The following SLX9 variants were observed in gnomAD, a reference collection of about 807,000 sequenced individuals.
SLX9 encodes SLX9 ribosome biogenesis factor.
SLX9 carries 19 observed loss-of-function variants against 20.8 expected under a neutral mutation model. The observed-to-expected ratio is 0.91, with a 90% CI of 0.64 to 1.34. The LOEUF (loss-of-function observed/expected upper bound fraction) is 1.34, where lower values mean the gene tolerates loss of function less well. Among genes scored for constraint, SLX9 ranks in the 40% most tolerant of loss-of-function variants. SLX9 has a pLI of 0.00. For missense variants in SLX9, 299 were observed against 322.2 expected (o/e 0.93, Z 0.55); for synonymous variants, 113 against 137.1 (o/e 0.82, Z 1.23).
rs148104448 is a variant in SLX9 at position 44,943,541 on chromosome 21, G to T, written c.130-143G>T. 1.3e-4 allele frequency: 153 copies of T among 1,163,936 alleles called. No homozygotes were observed. The East Asian group carries it at 3.8e-3, about 29-fold the overall frequency. The allele number at this position is 1,163,936 out of a possible 1,614,324, so 72.1% of individuals were successfully genotyped here. A position where few individuals can be genotyped will look rare whatever the true frequency, so the allele number is the denominator to read the frequency against. On this transcript the variant is annotated intron_variant, in intron 1 of 5. Transcript: ENST00000291634. ...GCTTCTGCTCTGGGAGGTGAGGGTT[G>T]TTTCCCCCAGGTCCTCCCGGGCAGA...
intron 4 of SLX9, among the ~76,000 whole-genome samples, chr21:44,972,460 G>A (rs545061393): frequency 4.6e-5 from 7 of 152,304 alleles, no homozygotes; most frequent in Admixed American, 4.6e-4. Flanking sequence ...CCAGCTTGGT[G>A]GTTTGGAGAT....
intron 1 of SLX9, among the ~76,000 whole-genome samples, chr21:44,940,796 T>C (rs964330018): frequency 6.6e-6 from 1 of 152,196 alleles, no homozygotes; most frequent in African/African-American, 2.4e-5. Context: ...TTTCGTTACA[T>C]TGGCAAGTCT....
chr21:44,969,019 C>G (rs2085092072), intron 4 of SLX9: 3 of 390,698 alleles, frequency 7.7e-6, no homozygotes, highest in Non-Finnish European at 1.6e-5. Flanking sequence ...TCCCAAAGTG[C>G]TGGGATTACA....
At chr21:44,944,814 C>A (rs2084613306) in intron 2 of SLX9, among the ~76,000 whole-genome samples, 1 of 152,254 alleles carries the variant, frequency 6.6e-6, no homozygotes. Context: ...TGGGCCTCTG[C>A]CCCTCACCGC....
chr21:44,972,068 C>T (rs1292764184), intron 4 of SLX9, among the ~76,000 whole-genome samples: 3 of 152,174 alleles, frequency 2.0e-5, no homozygotes, highest in Non-Finnish European at 4.4e-5. Flanking sequence ...AAATGTCTGT[C>T]ATTCATATTT....
rs35304604 is a variant in SLX9 at position 44,968,753 on chromosome 21, C to CTTTTTTTTT, written c.500+1581_500+1589dup. Among the ~76,000 whole-genome samples, 3 of 132,948 alleles carry CTTTTTTTTT rather than the reference C, an allele frequency of 2.3e-5. 1 individual carries two copies. The allele number at this position is 132,948 out of a possible 152,430, so 87.2% of individuals were successfully genotyped here. ...CTCATTCATTTGTGTCATCTCTGTG[C>CTTTTTTTTT]TTTTTTTTTTTTTTTTTGGAGACGG... On this transcript the variant is annotated intron_variant, in intron 4 of 5. Transcript: ENST00000291634.
intron 2 of SLX9, among the ~76,000 whole-genome samples, chr21:44,949,649 G>A (rs1243585399): frequency 6.6e-6 from 1 of 152,166 alleles, no homozygotes; most frequent in Admixed American, 6.5e-5. Flanking sequence ...TTCTGCCTGC[G>A]CCTTCCGGCT....
chr21:44,941,454 G>T (rs890105536), intron 1 of SLX9, among the ~76,000 whole-genome samples: 5 of 145,990 alleles, frequency 3.4e-5, no homozygotes, highest in Non-Finnish European at 7.6e-5. Flanking sequence ...TGCCCCCTTG[G>T]TTTTTTTTTT....
intron 4 of SLX9, among the ~76,000 whole-genome samples, chr21:44,968,135 G>C (rs2085073355): frequency 6.6e-6 from 1 of 151,878 alleles, no homozygotes; most frequent in Non-Finnish European, 1.5e-5. Flanking sequence ...TCCCGAGCAT[G>C]AGCCCTCCTC....
At chr21:44,966,920 GGA>G (rs1568942707) in intron 3 of SLX9, 112 bp from the exon 4 acceptor site, 26 of 1,366,858 alleles carry the variant, frequency 1.9e-5, no homozygotes, top group Non-Finnish European at 2.6e-5. Context: ...ACAGCGGGAA[GGA>G]GAGAGGCAGC....
chr21:44,971,692 C>T (rs942096665), intron 4 of SLX9, among the ~76,000 whole-genome samples: 4 of 17,120 alleles, frequency 2.3e-4, no homozygotes, highest in Non-Finnish European at 4.4e-4. Flanking sequence ...CAGGGTGCAC[C>T]TAGAGGAGGG....
At chr21:44,942,878 A>G (rs73906956) in intron 1 of SLX9, among the ~76,000 whole-genome samples, 4,196 of 152,078 alleles carry the variant, frequency 0.028, 203 homozygotes, top group African/African-American at 0.096. Flanking sequence ...AATGTCACTT[A>G]CCTTCTGGTG....
intron 4 of SLX9, among the ~76,000 whole-genome samples, chr21:44,971,720 T>C (rs9980281): frequency 0.82 from 124,108 of 152,140 alleles, 50,718 homozygotes; most frequent in South Asian, 0.84. Context: ...GCTGATGGCT[T>C]CTGCAAGGAT....
intron 3 of SLX9, among the ~76,000 whole-genome samples, chr21:44,963,245 T>C (rs2084976850): frequency 6.6e-6 from 1 of 152,094 alleles, no homozygotes; most frequent in South Asian, 2.1e-4. Flanking sequence ...CCCGCCACCG[T>C]GCCCGGCTAA....
chr21:44,973,153 G>C lies in SLX9; in HGVS notation c.501-44G>C, dbSNP rs1317025514. ...GCCTCTGCCCACGGGAAGGTGTTTA[G>C]GGGATGCTGGATGCTGACTCACGTG... On this transcript the variant is annotated intron_variant, in intron 4 of 5. Coordinates refer to ENST00000291634, the MANE Select transcript of SLX9 (RefSeq NM_058190.4). The C allele has an allele frequency of 6.2e-6, 10 of 1,610,502 alleles. No homozygotes were observed. The South Asian group carries it at 1.1e-4, about 18-fold the overall frequency.
chr21:44,973,419 A>C (rs2085198084), intron 5 of SLX9, among the ~76,000 whole-genome samples, 154 bp downstream of exon 5: 1 of 90,696 alleles, frequency 1.1e-5, no homozygotes, highest in South Asian at 4.5e-4. Flanking sequence ...CACCCTCTCC[A>C]GGGGTTCAGC....
At chr21:44,959,661 A>G (rs948309712) in intron 2 of SLX9, among the ~76,000 whole-genome samples, 1 of 152,218 alleles carries the variant, frequency 6.6e-6, no homozygotes, top group Non-Finnish European at 1.5e-5. Context: ...GGGAGCACGT[A>G]CGTCGCTGGG....
At chr21:44,943,522 G>T (rs532812506) in intron 1 of SLX9, among the ~76,000 whole-genome samples, 162 bp from the exon 2 acceptor site, 1 of 152,318 alleles carries the variant, frequency 6.6e-6, no homozygotes, top group African/African-American at 2.4e-5. Context: ...GGAGGCTTCT[G>T]CTCTGGGAGG....
intron 4 of SLX9, 183 bp from the exon 5 acceptor site, chr21:44,973,014 A>G (rs1234403147): frequency 1.4e-6 from 1 of 712,882 alleles, no homozygotes; most frequent in Non-Finnish European, 2.4e-6. Flanking sequence ...AGGCAGTTGC[A>G]CTGCTTGTCC....
Sources: allele counts gnomAD v4.1 joint callset (sites outside exome capture counted in the v4.1 genomes callset), GRCh38; gene constraint gnomAD v4.1.1; transcripts MANE v1.5; gene names NCBI Gene and HGNC (gene_info 2026-07-23, HGNC 2026-07-21).